The following NALF1 variants were observed in gnomAD, a reference collection of about 807,000 sequenced individuals.
NALF1 encodes the protein NALCN channel auxiliary factor 1, also known as family with sequence similarity 155 member A.
A neutral mutation model predicts 48.4 loss-of-function variants in NALF1; 3 were observed. The observed-to-expected ratio is 0.06, with a 90% confidence interval of 0.03 to 0.16. The LOEUF (loss-of-function observed/expected upper bound fraction) is 0.16. Among genes scored for constraint, NALF1 ranks in the 10% least tolerant of loss-of-function variants. NALF1 has a pLI of 1.00. For missense variants in NALF1, 526 were observed against 571.5 expected, an observed-to-expected ratio of 0.92 and a Z score of 0.81; for synonymous variants, 262 against 245.7, an observed-to-expected ratio of 1.07 and a Z score of -0.62.
intron 1 of NALF1, among the ~76,000 whole-genome samples, chr13:107,321,446 G>C (rs1032152418): frequency 6.6e-6 from 1 of 152,114 alleles, no homozygotes; most frequent in African/African-American, 2.4e-5. Flanking sequence ...AATTTGCTTT[G>C]TGAGTTGAAG....
intron 1 of NALF1, among the ~76,000 whole-genome samples, chr13:107,340,733 AGTTTCAAT>A (rs2138934199): frequency 6.6e-6 from 1 of 151,972 alleles, no homozygotes. Flanking sequence ...GTCCATTTTC[AGTTTCAAT>A]GTTTCAATAT....
chr13:107,612,001 A>G (rs929992451), intron 1 of NALF1, among the ~76,000 whole-genome samples: 4 of 138,364 alleles, frequency 2.9e-5, no homozygotes, highest in African/African-American at 1.1e-4. Context: ...AGGAGAGGAG[A>G]GAGACAGGGA....
chr13:107,529,422 A>G (rs554316887), intron 1 of NALF1, among the ~76,000 whole-genome samples: 114 of 152,308 alleles, frequency 7.5e-4, no homozygotes, highest in African/African-American at 2.7e-3. Flanking sequence ...AGGGAATTTG[A>G]AAACGGAGAT....
At chr13:107,594,483 G>C (rs781040256) in intron 1 of NALF1, among the ~76,000 whole-genome samples, 9 of 151,816 alleles carry the variant, frequency 5.9e-5, no homozygotes, top group Non-Finnish European at 1.0e-4. Context: ...GTGTCCCTGT[G>C]TGCAGGTTCG....
intron 1 of NALF1, among the ~76,000 whole-genome samples, chr13:107,548,727 C>T (rs532993303): frequency 1.3e-5 from 2 of 152,080 alleles, no homozygotes; most frequent in African/African-American, 2.4e-5. Context: ...TAGCACCAAG[C>T]GTGTTCTGTT....
intron 1 of NALF1, among the ~76,000 whole-genome samples, chr13:107,592,488 G>GA (rs942785247): frequency 6.6e-6 from 1 of 151,780 alleles, no homozygotes; most frequent in African/African-American, 2.4e-5. Flanking sequence ...CCATTGCTAT[G>GA]AAAAAACATT....
At chr13:107,328,201 A>G (rs1163031966) in intron 1 of NALF1, among the ~76,000 whole-genome samples, 1 of 151,646 alleles carries the variant, frequency 6.6e-6, no homozygotes, top group Non-Finnish European at 1.5e-5. Flanking sequence ...TACAGCTGTG[A>G]GCCACAGTGC....
intron 1 of NALF1, among the ~76,000 whole-genome samples, chr13:107,271,772 G>C (rs1881170288): frequency 1.1e-5 from 1 of 89,950 alleles, no homozygotes; most frequent in African/African-American, 5.3e-5. Context: ...TTTGCTACTG[G>C]ACTATATATA....
At chr13:107,431,320 T>A (rs1470198481) in intron 1 of NALF1, among the ~76,000 whole-genome samples, 1 of 152,176 alleles carries the variant, frequency 6.6e-6, no homozygotes, top group Non-Finnish European at 1.5e-5. Flanking sequence ...TCTCTCCGTT[T>A]GCTTGAGGAG....
chr13:107,383,863 A>G (rs1195311176), intron 1 of NALF1, among the ~76,000 whole-genome samples: 1 of 152,196 alleles, frequency 6.6e-6, no homozygotes. Flanking sequence ...TATTTACCTA[A>G]AAGATAAATT....
rs546107322 is a variant in NALF1 at position 107,774,620 on chromosome 13, A to T, written c.915+91062T>A. On this transcript the variant is annotated intron_variant, in intron 1 of 2. Coordinates refer to ENST00000375915, the MANE Select transcript of NALF1 (RefSeq NM_001080396.3). ...TTACTACATTCTCTGTAGTTCCATAATTTATCCAGCAGCCATTTCTATTAT... is the reference window on the plus strand; with the variant it reads ...TTACTACATTCTCTGTAGTTCCATATTTTATCCAGCAGCCATTTCTATTAT... 7.6e-4 allele frequency among the ~76,000 whole-genome samples: 116 copies of T among 152,312 alleles called. 4 individuals are homozygous for T. In the South Asian group the frequency reaches 0.023, roughly 31 times the overall value.
At chr13:107,785,757 A>G (rs546763726) in intron 1 of NALF1, among the ~76,000 whole-genome samples, 2 of 152,220 alleles carry the variant, frequency 1.3e-5, no homozygotes, top group Non-Finnish European at 2.9e-5. Flanking sequence ...GTTCCCCTTT[A>G]CAGACTTTTT....
intron 1 of NALF1, among the ~76,000 whole-genome samples, chr13:107,460,966 C>T (rs756037214): frequency 2.0e-5 from 3 of 152,128 alleles, no homozygotes; most frequent in African/African-American, 4.8e-5. Context: ...TCCATTTGTA[C>T]ATGAGGAGAC....
At chr13:107,758,696 G>A (rs1877185729) in intron 1 of NALF1, among the ~76,000 whole-genome samples, 1 of 151,970 alleles carries the variant, frequency 6.6e-6, no homozygotes, top group Non-Finnish European at 1.5e-5. Flanking sequence ...ACTCCAGGCT[G>A]GTGACAGAGC....
intron 1 of NALF1, among the ~76,000 whole-genome samples, chr13:107,464,128 T>C (rs1361342783): frequency 6.6e-6 from 1 of 152,178 alleles, no homozygotes; most frequent in Non-Finnish European, 1.5e-5. Flanking sequence ...GCTCTACCAT[T>C]TCCCAAGCTA....
chr13:107,726,913 T>TTCTGTGTGTGTGTGTGTG (rs765487919), intron 1 of NALF1, among the ~76,000 whole-genome samples: 11 of 126,484 alleles, frequency 8.7e-5, no homozygotes, highest in Admixed American at 3.3e-4. Context: ...CGGCAAATTC[T>TTCTGTGTGTGTGTGTGTG]TGTGTGTGTG....
At chr13:107,336,215 T>C (rs184590396) in intron 1 of NALF1, among the ~76,000 whole-genome samples, 2 of 152,026 alleles carry the variant, frequency 1.3e-5, no homozygotes, top group African/African-American at 4.8e-5. Flanking sequence ...TAGCCTGACA[T>C]GGTGGTGCAT....
chr13:107,415,557 T>C (rs1236923890), intron 1 of NALF1, among the ~76,000 whole-genome samples: 1 of 152,150 alleles, frequency 6.6e-6, no homozygotes, highest in Non-Finnish European at 1.5e-5. Context: ...AAAAAAATCT[T>C]AAAACTTTCT....
At chr13:107,718,016 A>C (rs1370372732) in intron 1 of NALF1, among the ~76,000 whole-genome samples, 1 of 152,090 alleles carries the variant, frequency 6.6e-6, no homozygotes, top group Non-Finnish European at 1.5e-5. Flanking sequence ...AGCTGATAAA[A>C]CTGGCTTTGG....
Sources: gnomAD v4.1 joint callset for allele counts (sites outside exome capture counted in the v4.1 genomes callset) on GRCh38, gnomAD v4.1.1 for gene constraint, MANE v1.5 for transcripts, NCBI Gene and HGNC (gene_info 2026-07-23, HGNC 2026-07-21) for gene names.